The following MACROD2 variants were observed in gnomAD, a reference collection of about 807,000 sequenced individuals.
The protein encoded by MACROD2 is mono-ADP ribosylhydrolase 2.
In MACROD2, 36 loss-of-function variants were observed where a neutral mutation model predicts 70.4. The ratio of observed to expected loss-of-function variants is 0.51; its 90% CI spans 0.39 to 0.68. The LOEUF (loss-of-function observed/expected upper bound fraction) is 0.68. MACROD2 is among the 30% of genes least tolerant of loss of function. The pLI, the probability that MACROD2 is intolerant of heterozygous loss-of-function variation, is 0.00. For synonymous variants in MACROD2, 172 were observed against 178.8 expected (o/e 0.96, Z 0.30); for missense variants, 496 against 538.4 (o/e 0.92, Z 0.78).
chr20:15,577,404 C>T (rs2048463603), intron 8 of MACROD2, among the ~76,000 whole-genome samples: 1 of 151,986 alleles, frequency 6.6e-6, no homozygotes, highest in Admixed American at 6.6e-5. Flanking sequence ...GCGTATGTAC[C>T]TCTAAAAGGT....
intron 4 of MACROD2, among the ~76,000 whole-genome samples, chr20:14,536,559 AT>A (rs1172806375): frequency 6.6e-6 from 1 of 152,094 alleles, no homozygotes; most frequent in African/African-American, 2.4e-5. Flanking sequence ...CAAAATGATA[AT>A]AAGAGGTTAT....
chr20:14,768,190 T>C (rs1157982339), intron 5 of MACROD2, among the ~76,000 whole-genome samples: 2 of 152,102 alleles, frequency 1.3e-5, no homozygotes, highest in African/African-American at 4.8e-5. Context: ...TATTTCTGGT[T>C]CTAGATCCTT....
intron 7 of MACROD2, among the ~76,000 whole-genome samples, chr20:15,473,639 G>A (rs1043998806): frequency 6.6e-6 from 1 of 152,272 alleles, no homozygotes; most frequent in African/African-American, 2.4e-5. Context: ...AAGCTTGAAG[G>A]AATTCTACAC....
chr20:15,576,778 T>C (rs758693520), intron 8 of MACROD2, among the ~76,000 whole-genome samples: 2 of 152,176 alleles, frequency 1.3e-5, no homozygotes. Context: ...TAAGAAAATA[T>C]TTATTTTTTC....
chr20:14,386,970 C>T (rs1415354501), intron 3 of MACROD2, among the ~76,000 whole-genome samples: 1 of 152,132 alleles, frequency 6.6e-6, no homozygotes, highest in African/African-American at 2.4e-5. Context: ...CGGAGAACAC[C>T]AGTAATAGAA....
intron 3 of MACROD2, among the ~76,000 whole-genome samples, chr20:14,375,050 C>CAAGGACAA (rs2122757740): frequency 6.6e-6 from 1 of 152,194 alleles, no homozygotes; most frequent in South Asian, 2.1e-4. Flanking sequence ...GTTGTATATT[C>CAAGGACAA]ACTTTTTTTG....
intron 5 of MACROD2, among the ~76,000 whole-genome samples, chr20:15,136,600 A>G (rs2076149913): frequency 6.6e-6 from 1 of 152,166 alleles, no homozygotes. Context: ...ACCTAAAACC[A>G]TAAAAACCCT....
intron 5 of MACROD2, among the ~76,000 whole-genome samples, chr20:14,726,626 A>T (rs2071533166): frequency 6.6e-6 from 1 of 152,144 alleles, no homozygotes; most frequent in Non-Finnish European, 1.5e-5. Flanking sequence ...AAAATTAGCT[A>T]ATTTTATCGT....
intron 5 of MACROD2, among the ~76,000 whole-genome samples, chr20:15,102,692 TAGTC>T (rs2075882077): frequency 6.6e-6 from 1 of 151,550 alleles, no homozygotes; most frequent in Non-Finnish European, 1.5e-5. Context: ...CTGAGAATCA[TAGTC>T]AAATATACTA....
At chr20:14,265,763 T>TC (rs1396754383) in intron 3 of MACROD2, among the ~76,000 whole-genome samples, 4 of 146,070 alleles carry the variant, frequency 2.7e-5, no homozygotes, top group South Asian at 4.3e-4. Flanking sequence ...TTCAACCTGT[T>TC]CCCCGCCTTG....
chr20:15,137,009 A>G (rs1265019350), intron 5 of MACROD2, among the ~76,000 whole-genome samples: 1 of 149,894 alleles, frequency 6.7e-6, no homozygotes, highest in African/African-American at 2.5e-5. Flanking sequence ...CCACAATGAG[A>G]TACCATCTCA....
At chr20:14,997,434 G>A (rs1399172150) in intron 5 of MACROD2, among the ~76,000 whole-genome samples, 4 of 152,058 alleles carry the variant, frequency 2.6e-5, no homozygotes, top group African/African-American at 7.2e-5. Flanking sequence ...CACAGGCCTC[G>A]GGTGAGACCC....
chr20:14,044,288 C>G (rs745513726), intron 2 of MACROD2, among the ~76,000 whole-genome samples: 1 of 151,956 alleles, frequency 6.6e-6, no homozygotes, highest in Non-Finnish European at 1.5e-5. Flanking sequence ...TCGCTGGCTT[C>G]AGGAGTGGAG....
intron 8 of MACROD2, among the ~76,000 whole-genome samples, chr20:15,751,706 A>G (rs189577910): frequency 3.3e-5 from 5 of 152,032 alleles, no homozygotes; most frequent in Admixed American, 2.0e-4. Context: ...TAAGGCCCAC[A>G]ATATACTATG....
chr20:14,251,873 C>T lies in MACROD2; in HGVS notation c.271+166145C>T, dbSNP rs146437833. On this transcript the variant is annotated intron_variant, in intron 3 of 17. Coordinates refer to ENST00000684519, the MANE Select transcript of MACROD2 (RefSeq NM_001351661.2). ...TAAGGAAGCTGAATTTCCTTAAGAC[C>T]ATGTATCTATTAATTTACCTTCTTG... Among the ~76,000 whole-genome samples, 518 of 152,030 alleles carry T rather than the reference C, an allele frequency of 3.4e-3. 4 individuals are homozygous for T. The highest frequency in any genetic ancestry group is 0.012 in the African/African-American group (491 of 41,488).
chr20:15,053,895 T>C (rs2075462461), intron 5 of MACROD2, among the ~76,000 whole-genome samples: 1 of 152,192 alleles, frequency 6.6e-6, no homozygotes, highest in Non-Finnish European at 1.5e-5. Flanking sequence ...AATATCAACA[T>C]GAACAGGAGC....
chr20:15,768,866 T>C (rs187644513), intron 8 of MACROD2, among the ~76,000 whole-genome samples: 56 of 152,254 alleles, frequency 3.7e-4, no homozygotes, highest in African/African-American at 1.2e-3. Flanking sequence ...AAAACAAAAA[T>C]ACACACGTTA....
At chr20:15,558,183 G>A (rs186056961) in intron 8 of MACROD2, among the ~76,000 whole-genome samples, 6 of 152,178 alleles carry the variant, frequency 3.9e-5, no homozygotes, top group East Asian at 1.9e-4. Context: ...TGGGCTGCCC[G>A]TGTACTTTGG....
chr20:15,563,873 C>T (rs924881822), intron 8 of MACROD2, among the ~76,000 whole-genome samples: 2 of 152,144 alleles, frequency 1.3e-5, no homozygotes, highest in Admixed American at 1.3e-4. Context: ...AAACTGTTTT[C>T]CATGCATATG....
Sources: gnomAD v4.1 joint callset for allele counts (sites outside exome capture counted in the v4.1 genomes callset) on GRCh38, gnomAD v4.1.1 for gene constraint, MANE v1.5 for transcripts, NCBI Gene and HGNC (gene_info 2026-07-23, HGNC 2026-07-21) for gene names.